RBFOX1: variants seen among roughly 807,000 people sequenced by gnomAD.
The protein encoded by RBFOX1 is RNA binding fox-1 homolog 1, also known as RNA binding protein fox-1 homolog 1.
A neutral mutation model predicts 57.7 loss-of-function variants in RBFOX1; 8 were observed. The ratio of observed to expected loss-of-function variants is 0.14; its 90% CI spans 0.08 to 0.25. The LOEUF (loss-of-function observed/expected upper bound fraction) is 0.25. Among genes scored for constraint, RBFOX1 ranks in the 10% least tolerant of loss-of-function variants. RBFOX1 has a pLI of 1.00. For synonymous variants in RBFOX1, 326 were observed against 222.4 expected (o/e 1.47, Z -4.15); for missense variants, 611 against 548.5 (o/e 1.11, Z -1.14).
intron 1 of RBFOX1, among the ~76,000 whole-genome samples, chr16:5,266,167 T>C (rs1205832657): frequency 1.3e-5 from 2 of 152,114 alleles, no homozygotes; most frequent in Admixed American, 6.6e-5. Flanking sequence ...TACTGTGTGA[T>C]TGTGTGTATG....
chr16:5,732,211 A>T (rs532726295), intron 3 of RBFOX1, among the ~76,000 whole-genome samples: 4 of 152,226 alleles, frequency 2.6e-5, no homozygotes, highest in African/African-American at 7.2e-5. Flanking sequence ...TTCAGCATCT[A>T]TGAAATAGGG....
intron 2 of RBFOX1, among the ~76,000 whole-genome samples, chr16:6,399,260 G>A (rs183990839): frequency 1.1e-3 from 164 of 152,358 alleles, no homozygotes; most frequent in Non-Finnish European, 1.9e-3. Context: ...CTCTGGTCCT[G>A]TGATGGGAGG....
At chr16:7,342,252 G>T (rs1164182741) in intron 4 of RBFOX1, among the ~76,000 whole-genome samples, 1 of 152,104 alleles carries the variant, frequency 6.6e-6, no homozygotes, top group African/African-American at 2.4e-5. Flanking sequence ...CTACTCACAA[G>T]GCCTTTGCAG....
chr16:5,909,866 A>C (rs1395570279), intron 4 of RBFOX1, among the ~76,000 whole-genome samples: 3 of 152,136 alleles, frequency 2.0e-5, no homozygotes, highest in Non-Finnish European at 4.4e-5. Context: ...CAGCCTGACC[A>C]ATATGGTGAA....
chr16:6,952,145 C>T (rs141711499), intron 3 of RBFOX1, among the ~76,000 whole-genome samples: 116 of 152,250 alleles, frequency 7.6e-4, no homozygotes, highest in African/African-American at 2.7e-3. Flanking sequence ...CTTCGCAGAG[C>T]ACATAGTCGT....
At chr16:7,683,392 A>G (rs1409983198) in intron 14 of RBFOX1, among the ~76,000 whole-genome samples, 2 of 151,892 alleles carry the variant, frequency 1.3e-5, no homozygotes, top group Admixed American at 6.6e-5. Flanking sequence ...TCAAGAACTA[A>G]TTGCCTTTGG....
At chr16:6,724,441 C>T (rs1568361698) in intron 3 of RBFOX1, among the ~76,000 whole-genome samples, 1 of 151,984 alleles carries the variant, frequency 6.6e-6, no homozygotes, top group South Asian at 2.1e-4. Context: ...CTCCTGACCT[C>T]AGGTGATCCA....
chr16:7,682,934 A>G (rs1052031439), intron 14 of RBFOX1, among the ~76,000 whole-genome samples: 3 of 144,782 alleles, frequency 2.1e-5, no homozygotes, highest in Non-Finnish European at 4.6e-5. Context: ...AGAAACACAC[A>G]GTTATACCTG....
chr16:7,358,111 C>A (rs1020866805), intron 4 of RBFOX1, among the ~76,000 whole-genome samples: 2 of 152,226 alleles, frequency 1.3e-5, no homozygotes, highest in African/African-American at 4.8e-5. Context: ...ACTTCCACTT[C>A]TTACTGATTA....
chr16:7,150,063 C>A (rs1036589088), intron 4 of RBFOX1, among the ~76,000 whole-genome samples: 2 of 152,208 alleles, frequency 1.3e-5, no homozygotes, highest in Non-Finnish European at 2.9e-5. Flanking sequence ...CTGTGAACCT[C>A]CTGCCCCAGC....
intron 4 of RBFOX1, among the ~76,000 whole-genome samples, chr16:7,155,709 A>AAAAT (rs2076941304): frequency 3.2e-5 from 2 of 62,510 alleles, no homozygotes; most frequent in Non-Finnish European, 5.8e-5. Context: ...AAAAAAAAAA[A>AAAAT]AAAATATATA....
chr16:7,056,419 C>T (rs953448479), intron 4 of RBFOX1, among the ~76,000 whole-genome samples: 2 of 152,148 alleles, frequency 1.3e-5, no homozygotes, highest in African/African-American at 4.8e-5. Flanking sequence ...ACTATGGAAT[C>T]TGTGCATTAA....
intron 3 of RBFOX1, among the ~76,000 whole-genome samples, chr16:6,996,485 G>A (rs1031609315): frequency 8.5e-5 from 13 of 152,172 alleles, no homozygotes; most frequent in Non-Finnish European, 1.2e-4. Flanking sequence ...CCTCCTATCT[G>A]GACACGCATA....
intron 2 of RBFOX1, among the ~76,000 whole-genome samples, chr16:6,544,699 A>T (rs9933839): frequency 6.6e-6 from 1 of 152,146 alleles, no homozygotes; most frequent in Non-Finnish European, 1.5e-5. Flanking sequence ...GTGGGACTCT[A>T]TATAAGTTTG....
At chr16:6,139,458 G>C (rs1012813028) in intron 1 of RBFOX1, among the ~76,000 whole-genome samples, 4 of 152,100 alleles carry the variant, frequency 2.6e-5, no homozygotes, top group Non-Finnish European at 4.4e-5. Flanking sequence ...CTTACAACCT[G>C]CCCATTCAGC....
rs533425392 is a variant in RBFOX1 at position 6,940,359 on chromosome 16, C to T, written c.-15-111698C>T. Among the ~76,000 whole-genome samples, 6 of 152,300 alleles carry T rather than the reference C, an allele frequency of 3.9e-5. No homozygotes were observed. The East Asian group carries it at 1.2e-3, about 29-fold the overall frequency. On this transcript the variant is annotated intron_variant, in intron 3 of 15. Coordinates refer to ENST00000550418, the MANE Select transcript of RBFOX1 (RefSeq NM_018723.4). Reference sequence around the variant, plus strand: ...TGCTTAAAAGCAAAAGCTCAAACTACATTGCTCACTTCCCATCCGACAATT... The same window carrying T: ...TGCTTAAAAGCAAAAGCTCAAACTATATTGCTCACTTCCCATCCGACAATT...
chr16:5,313,738 A>G (rs933711643), intron 1 of RBFOX1, among the ~76,000 whole-genome samples: 2 of 152,218 alleles, frequency 1.3e-5, no homozygotes, highest in Non-Finnish European at 2.9e-5. Flanking sequence ...CACTATTGCG[A>G]GAACAGCATG....
At chr16:7,494,887 A>G (rs1212639792) in intron 4 of RBFOX1, among the ~76,000 whole-genome samples, 1 of 139,140 alleles carries the variant, frequency 7.2e-6, no homozygotes, top group Non-Finnish European at 1.5e-5. Flanking sequence ...TAGATACAGG[A>G]GGTACATGTG....
intron 3 of RBFOX1, among the ~76,000 whole-genome samples, chr16:6,911,111 C>T (rs185616898): frequency 1.1e-4 from 16 of 151,000 alleles, no homozygotes; most frequent in Admixed American, 9.3e-4. Context: ...TGAGGCAGGA[C>T]AATCGCTGGA....
Sources: gnomAD v4.1 joint callset for allele counts (sites outside exome capture counted in the v4.1 genomes callset) on GRCh38, gnomAD v4.1.1 for gene constraint, MANE v1.5 for transcripts, NCBI Gene and HGNC (gene_info 2026-07-23, HGNC 2026-07-21) for gene names.